NXPH1: variants seen among roughly 807,000 people sequenced by gnomAD.
The protein encoded by NXPH1 is neurexophilin-1.
A neutral mutation model predicts 23.7 loss-of-function variants in NXPH1; 5 were observed. That is an observed-to-expected ratio of 0.21 (90% CI 0.11 to 0.44). The LOEUF is 0.44. Ranked by LOEUF, NXPH1 falls within the 20% of genes least tolerant of loss-of-function variation. NXPH1 has a pLI of 0.99. For synonymous variants in NXPH1, 144 were observed against 122.2 expected (o/e 1.18, Z -1.18); for missense variants, 324 against 321.6 (o/e 1.01, Z -0.06).
chr7:8,625,115 C>A (rs2115128262), intron 2 of NXPH1, among the ~76,000 whole-genome samples: 1 of 152,074 alleles, frequency 6.6e-6, no homozygotes, highest in East Asian at 1.9e-4. Context: ...CTATAGAGTC[C>A]CTATGTAGAA....
chr7:8,607,500 G>C (rs1409049666), intron 2 of NXPH1, among the ~76,000 whole-genome samples: 1 of 152,100 alleles, frequency 6.6e-6, no homozygotes, highest in Non-Finnish European at 1.5e-5. Context: ...ACCACATTTT[G>C]CCCTTGGCTA....
At chr7:8,750,954 G>T in intron 2 of NXPH1, 54 bp from the exon 3 acceptor site, 1 of 1,533,582 alleles carries the variant, frequency 6.5e-7, no homozygotes, top group Non-Finnish European at 9.0e-7. Flanking sequence ...CTATGCATTG[G>T]GTGTTATTCT....
rs1817004476 is a variant in NXPH1 at position 8,477,905 on chromosome 7, C to T, written c.54+42138C>T. On this transcript the variant is annotated intron_variant, in intron 2 of 2. Coordinates refer to ENST00000405863, the MANE Select transcript of NXPH1 (RefSeq NM_152745.3). ...CAATTACGTGTTTGAATTTCTGACT[C>T]CCTTATCAGCTTTTAAATCTGGGAT... 2.0e-5 allele frequency among the ~76,000 whole-genome samples: 3 copies of T among 152,064 alleles called. No homozygotes were observed. The South Asian group carries it at 6.2e-4, about 32-fold the overall frequency.
At chr7:8,541,134 G>A (rs573147044) in intron 2 of NXPH1, among the ~76,000 whole-genome samples, 1 of 151,764 alleles carries the variant, frequency 6.6e-6, no homozygotes, top group South Asian at 2.1e-4. Flanking sequence ...ATGAATGTTA[G>A]ATTGAGTAGA....
At chr7:8,636,399 A>G (rs1215791429) in intron 2 of NXPH1, among the ~76,000 whole-genome samples, 1 of 152,238 alleles carries the variant, frequency 6.6e-6, no homozygotes, top group Non-Finnish European at 1.5e-5. Flanking sequence ...CAGAATTTCC[A>G]GTAATGCCTC....
intron 2 of NXPH1, among the ~76,000 whole-genome samples, chr7:8,620,385 G>A (rs1225578301): frequency 6.6e-6 from 1 of 152,144 alleles, no homozygotes; most frequent in Non-Finnish European, 1.5e-5. Context: ...TCTGACCCAG[G>A]TTAAAGATGT....
At chr7:8,539,338 G>C (rs796334745) in intron 2 of NXPH1, among the ~76,000 whole-genome samples, 40 of 151,938 alleles carry the variant, frequency 2.6e-4, no homozygotes, top group African/African-American at 8.7e-4. Context: ...TTGGAGAATA[G>C]GACATGGGGA....
chr7:8,439,911 G>T (rs1816265665), intron 2 of NXPH1, among the ~76,000 whole-genome samples: 1 of 152,130 alleles, frequency 6.6e-6, no homozygotes, highest in Non-Finnish European at 1.5e-5. Flanking sequence ...TAAAAATTAA[G>T]CCAGCTGCAC....
intron 2 of NXPH1, among the ~76,000 whole-genome samples, chr7:8,474,418 G>C (rs1052189667): frequency 6.6e-6 from 1 of 152,002 alleles, no homozygotes; most frequent in African/African-American, 2.4e-5. Context: ...TAAAAATGAA[G>C]ATAATCACCC....
chr7:8,468,449 C>T (rs1284861372), intron 2 of NXPH1, among the ~76,000 whole-genome samples: 1 of 152,070 alleles, frequency 6.6e-6, no homozygotes, highest in Non-Finnish European at 1.5e-5. Context: ...ATCTGTTTTA[C>T]TATATCTCAT....
intron 2 of NXPH1, among the ~76,000 whole-genome samples, chr7:8,590,815 T>C (rs1819077810): frequency 6.6e-6 from 1 of 152,100 alleles, no homozygotes; most frequent in Non-Finnish European, 1.5e-5. Context: ...TAAATTTTGC[T>C]CTTTTAAAAA....
chr7:8,444,483 T>C (rs1816362905), intron 2 of NXPH1, among the ~76,000 whole-genome samples: 1 of 152,162 alleles, frequency 6.6e-6, no homozygotes, highest in African/African-American at 2.4e-5. Context: ...GCCTGCTGGA[T>C]TACAAGCCTA....
intron 2 of NXPH1, among the ~76,000 whole-genome samples, chr7:8,658,317 T>A (rs2115159296): frequency 6.6e-6 from 1 of 152,358 alleles, no homozygotes; most frequent in East Asian, 1.9e-4. Context: ...GGTGTCTAAT[T>A]TATGTTAAGT....
intron 2 of NXPH1, among the ~76,000 whole-genome samples, chr7:8,451,328 A>T (rs564940323): frequency 1.6e-4 from 25 of 152,198 alleles, no homozygotes; most frequent in African/African-American, 5.1e-4. Flanking sequence ...AATTGTCATG[A>T]TTTTGATCGC....
chr7:8,478,145 A>G (rs1470526803), intron 2 of NXPH1, among the ~76,000 whole-genome samples: 1 of 152,092 alleles, frequency 6.6e-6, no homozygotes, highest in Admixed American at 6.6e-5. Context: ...TTGCATGAGA[A>G]CTTGCAAAAA....
intron 2 of NXPH1, among the ~76,000 whole-genome samples, chr7:8,710,742 A>C (rs1240206739): frequency 1.8e-5 from 2 of 110,892 alleles, no homozygotes; most frequent in Non-Finnish European, 1.6e-5. Flanking sequence ...GGCTCACTGC[A>C]AGCTCCGCTT....
chr7:8,673,249 G>A (rs1197402040), intron 2 of NXPH1, among the ~76,000 whole-genome samples: 3 of 152,120 alleles, frequency 2.0e-5, no homozygotes, highest in Non-Finnish European at 4.4e-5. Context: ...ATTTGAGTGA[G>A]ATAGCCAAAC....
At chr7:8,498,487 C>G (rs572630322) in intron 2 of NXPH1, among the ~76,000 whole-genome samples, 1 of 151,982 alleles carries the variant, frequency 6.6e-6, no homozygotes, top group Non-Finnish European at 1.5e-5. Flanking sequence ...ATAGACCCAG[C>G]CTTGGATGAA....
chr7:8,712,776 A>G (rs1012091), intron 2 of NXPH1, among the ~76,000 whole-genome samples: 52,516 of 152,076 alleles, frequency 0.35, 10,943 homozygotes, highest in African/African-American at 0.59. Context: ...TCATGGTCAC[A>G]CATCTAGTAA....
Sources: gnomAD v4.1 joint callset for allele counts (sites outside exome capture counted in the v4.1 genomes callset) on GRCh38, gnomAD v4.1.1 for gene constraint, MANE v1.5 for transcripts, NCBI Gene and HGNC (gene_info 2026-07-23, HGNC 2026-07-21) for gene names.